The following SENP7 variants were observed in gnomAD, a reference collection of about 807,000 sequenced individuals.
SENP7 encodes the protein SUMO specific peptidase 7, also known as sentrin-specific protease 7.
A neutral mutation model predicts 141.2 loss-of-function variants in SENP7; 64 were observed. The ratio of observed to expected loss-of-function variants is 0.45; its 90% CI spans 0.37 to 0.56. The LOEUF (loss-of-function observed/expected upper bound fraction) is 0.56, where lower values mean the gene tolerates loss of function less well. Among genes scored for constraint, SENP7 ranks in the 20% least tolerant of loss-of-function variants. SENP7 has a pLI of 0.00. For synonymous variants in SENP7, 382 were observed against 426.4 expected, an observed-to-expected ratio of 0.90 and a Z score of 1.28; for missense variants, 1,025 against 1,212.2, an observed-to-expected ratio of 0.85 and a Z score of 2.29.
At chr3:101,512,266 C>T (rs2065892372) in intron 1 of SENP7, among the ~76,000 whole-genome samples, 1 of 152,158 alleles carries the variant, frequency 6.6e-6, no homozygotes, top group Non-Finnish European at 1.5e-5. Flanking sequence ...TCCTACCATC[C>T]ATAGGACTTA....
chr3:101,437,447 A>G (rs905290044), intron 4 of SENP7, among the ~76,000 whole-genome samples: 29 of 152,348 alleles, frequency 1.9e-4, no homozygotes, highest in African/African-American at 6.5e-4. Flanking sequence ...CTTATTTCAC[A>G]TTGCATGCCT....
In SENP7 at chr3:101,417,505, T is replaced by A. The variant is rs566835561; in HGVS notation, c.482+88A>T. 3 of 1,100,946 alleles carry A rather than the reference T, an allele frequency of 2.7e-6. No homozygotes were observed. In the Admixed American group the frequency reaches 5.3e-5, roughly 20 times the overall value. 68.2% of individuals were successfully genotyped at this position (1,100,946 alleles called of 1,614,324 possible). A position where few individuals can be genotyped will look rare whatever the true frequency, so the allele number is the denominator to read the frequency against. On this transcript the variant is annotated intron_variant, in intron 5 of 23. Transcript: ENST00000394095. ...CTATATATGCAAATCTCCTTTCAGG[T>A]CATTTCAACAATTTTATCATTAGGA... is the stretch of plus-strand genomic sequence containing the variant.
chr3:101,364,264 A>G (rs2059979372), intron 10 of SENP7, among the ~76,000 whole-genome samples: 1 of 131,372 alleles, frequency 7.6e-6, no homozygotes, highest in Non-Finnish European at 1.7e-5. Flanking sequence ...AAGAATACTG[A>G]TAATAAATGA....
intron 5 of SENP7, among the ~76,000 whole-genome samples, chr3:101,400,981 C>T (rs1461817511): frequency 2.0e-5 from 3 of 151,688 alleles, no homozygotes; most frequent in Admixed American, 6.6e-5. Context: ...GCCTGTAGTC[C>T]GAGCTACTTG....
chr3:101,490,969 T>G (rs1268046344), intron 3 of SENP7, among the ~76,000 whole-genome samples: 1 of 152,138 alleles, frequency 6.6e-6, no homozygotes, highest in East Asian at 1.9e-4. Context: ...TTTCCCAAAA[T>G]TTAAGTATCA....
At position 101,325,014 on chromosome 3, in the gene SENP7, T is replaced by C. The variant is rs1215345709; in HGVS notation, c.*929A>G. 3.3e-5 allele frequency: 5 copies of C among 152,120 alleles called. No homozygotes were observed. The East Asian group carries it at 5.8e-4, about 18-fold the overall frequency. 9.4% of individuals were successfully genotyped at this position (152,120 alleles called of 1,614,324 possible). A position where few individuals can be genotyped will look rare whatever the true frequency, so the allele number is the denominator to read the frequency against. On this transcript the variant is annotated 3_prime_UTR_variant, in exon 24 of 24. Coordinates refer to ENST00000394095, the MANE Select transcript of SENP7 (RefSeq NM_020654.5). ...TCTGGCTTTGCAGATGAATACTGGG[T>C]AAACTGAGCTATAAAATTATATATT...
At chr3:101,400,325 A>C (rs1351780860) in intron 5 of SENP7, among the ~76,000 whole-genome samples, 1 of 152,090 alleles carries the variant, frequency 6.6e-6, no homozygotes, top group Non-Finnish European at 1.5e-5. Context: ...GAGTACGAGC[A>C]TACCTCATTT....
At chr3:101,488,015 T>C (rs1424889530) in intron 3 of SENP7, among the ~76,000 whole-genome samples, 1 of 152,208 alleles carries the variant, frequency 6.6e-6, no homozygotes, top group Non-Finnish European at 1.5e-5. Flanking sequence ...GATAGTATGA[T>C]AGGAATAGCA....
At chr3:101,348,436 A>G (rs2059529998) in intron 12 of SENP7, among the ~76,000 whole-genome samples, 1 of 152,176 alleles carries the variant, frequency 6.6e-6, no homozygotes, top group Non-Finnish European at 1.5e-5. Context: ...CAAAAAGGAA[A>G]AAAATGTCTA....
chr3:101,338,903 T>C (rs564485829), intron 16 of SENP7, among the ~76,000 whole-genome samples: 1 of 152,280 alleles, frequency 6.6e-6, no homozygotes, highest in South Asian at 2.1e-4. Context: ...AATTTTACTG[T>C]GTCCCAAAAC....
At chr3:101,370,974 A>C (rs913518190) in intron 7 of SENP7, among the ~76,000 whole-genome samples, 8 of 152,308 alleles carry the variant, frequency 5.3e-5, no homozygotes, top group African/African-American at 1.7e-4. Context: ...TTGTATTGTG[A>C]ATAACTTATG....
chr3:101,482,266 T>C (rs999048825), intron 3 of SENP7, among the ~76,000 whole-genome samples: 3 of 151,390 alleles, frequency 2.0e-5, no homozygotes, highest in Non-Finnish European at 2.9e-5. Context: ...TGAGCCGAGA[T>C]TGCACCACTG....
At chr3:101,509,973 C>T (rs961203517) in intron 1 of SENP7, among the ~76,000 whole-genome samples, 1 of 147,046 alleles carries the variant, frequency 6.8e-6, no homozygotes, top group Non-Finnish European at 1.5e-5. Flanking sequence ...ACTTAAAGAA[C>T]ATACGTTATC....
At chr3:101,326,568 G>A (rs941358928) in intron 23 of SENP7, among the ~76,000 whole-genome samples, 1 of 152,094 alleles carries the variant, frequency 6.6e-6, no homozygotes, top group African/African-American at 2.4e-5. Flanking sequence ...AATGACTGAA[G>A]TAATGAGATG....
In SENP7 at chr3:101,337,601, T is replaced by C. The variant is rs751132115; in HGVS notation, c.2388A>G (p.Glu796=). Residue 796 remains glutamate, a synonymous_variant, in exon 17 of 24, where the codon GAA becomes GAG. Coordinates refer to ENST00000394095, the MANE Select transcript of SENP7 (RefSeq NM_020654.5). ...TAAAAATGTGACTTCGTTCAACAAG[T>C]TCATCTGATGCCTTCTCCAATATAA... ...KYLILEKASD[E]LVERSHIFSS... 1.3e-5 allele frequency: 21 copies of C among 1,606,056 alleles called. No homozygotes were observed. The highest frequency in any genetic ancestry group is 1.8e-5 in the Non-Finnish European group (21 of 1,175,732).
At chr3:101,405,009 GAAC>G (rs1052867006) in intron 5 of SENP7, among the ~76,000 whole-genome samples, 4 of 152,162 alleles carry the variant, frequency 2.6e-5, no homozygotes, top group African/African-American at 9.7e-5. Context: ...CCAGAATTGG[GAAC>G]AAAAGGGGAT....
At chr3:101,491,998 A>G (rs1456489256) in intron 3 of SENP7, among the ~76,000 whole-genome samples, 1 of 152,180 alleles carries the variant, frequency 6.6e-6, no homozygotes, top group Non-Finnish European at 1.5e-5. Flanking sequence ...AGGCTGAGGC[A>G]GGAGAATCGC....
At chr3:101,343,630 A>T in intron 14 of SENP7, 56 bp downstream of exon 14, 1 of 1,523,068 alleles carries the variant, frequency 6.6e-7, no homozygotes, top group Non-Finnish European at 8.8e-7. Flanking sequence ...ATATCAATGA[A>T]TAAATGTTTT....
intron 3 of SENP7, among the ~76,000 whole-genome samples, chr3:101,465,648 A>G (rs1196212854): frequency 1.0e-5 from 1 of 98,898 alleles, no homozygotes; most frequent in Non-Finnish European, 2.5e-5. Context: ...TCTATAGGAA[A>G]AAGTTTTTCC....
Sources: allele counts gnomAD v4.1 joint callset (sites outside exome capture counted in the v4.1 genomes callset), GRCh38; gene constraint gnomAD v4.1.1; transcripts MANE v1.5; gene names NCBI Gene and HGNC (gene_info 2026-07-23, HGNC 2026-07-21).